MDGA2: variants seen among roughly 807,000 people sequenced by gnomAD.
MDGA2 encodes MAM domain containing glycosylphosphatidylinositol anchor 2.
In MDGA2, 40 loss-of-function variants were observed where a neutral mutation model predicts 117.8. That is an observed-to-expected ratio of 0.34 (90% CI 0.26 to 0.44). MDGA2 has a LOEUF of 0.44. Ranked by LOEUF, MDGA2 falls within the 20% of genes least tolerant of loss-of-function variation. The pLI, the probability that MDGA2 is intolerant of heterozygous loss-of-function variation, is 1.00. For synonymous variants in MDGA2, 452 were observed against 439.0 expected (o/e 1.03, Z -0.37); for missense variants, 1,123 against 1,250.6 (o/e 0.90, Z 1.54).
intron 3 of MDGA2, among the ~76,000 whole-genome samples, chr14:47,157,595 A>ATGTG (rs55697311): frequency 0.02 from 2,919 of 144,444 alleles, 56 homozygotes; most frequent in East Asian, 0.052. Flanking sequence ...ATGTACATAT[A>ATGTG]TGTGTGTGTG....
At chr14:47,611,863 A>G (rs2138906121) in intron 1 of MDGA2, among the ~76,000 whole-genome samples, 1 of 152,308 alleles carries the variant, frequency 6.6e-6, no homozygotes, top group East Asian at 1.9e-4. Flanking sequence ...ACAGTATAAC[A>G]TAACACATCA....
intron 5 of MDGA2, among the ~76,000 whole-genome samples, chr14:47,102,593 G>C (rs1880402511): frequency 6.6e-6 from 1 of 151,990 alleles, no homozygotes; most frequent in South Asian, 2.1e-4. Context: ...GCCAGTAAAG[G>C]GTCACTGATG....
At chr14:47,042,162 A>G (rs146442963) in intron 7 of MDGA2, among the ~76,000 whole-genome samples, 1 of 152,182 alleles carries the variant, frequency 6.6e-6, no homozygotes, top group African/African-American at 2.4e-5. Context: ...AATAAATAAA[A>G]CTTCAGAGAT....
Position 47,301,340 on chromosome 14 carries a change from A to G in MDGA2, c.420+71T>C, listed in dbSNP as rs997761092. 22 of 1,506,132 alleles carry G rather than the reference A, an allele frequency of 1.5e-5. No homozygotes were observed. The Admixed American group carries it at 3.2e-4, about 22-fold the overall frequency. 93.3% of individuals were successfully genotyped at this position (1,506,132 alleles called of 1,614,324 possible). ...ACACACAGTTTTAGCTAAATATTCT[A>G]AAATATACACTTTTTGACTTCTGAG... On this transcript the variant is annotated intron_variant, in intron 2 of 16. Coordinates refer to ENST00000399232, the MANE Select transcript of MDGA2 (RefSeq NM_001113498.3).
At chr14:46,931,523 TG>T (rs1269779821) in intron 9 of MDGA2, among the ~76,000 whole-genome samples, 1 of 107,862 alleles carries the variant, frequency 9.3e-6, no homozygotes, top group Admixed American at 9.6e-5. Context: ...AGTTTATTTT[TG>T]CTTTTTTTTT....
intron 2 of MDGA2, among the ~76,000 whole-genome samples, chr14:47,254,718 G>C (rs535295176): frequency 2.5e-4 from 38 of 151,962 alleles, no homozygotes; most frequent in African/African-American, 8.2e-4. Flanking sequence ...TCCAATTTTC[G>C]GGTATTCTTA....
At chr14:46,935,812 G>C (rs573294414) in intron 9 of MDGA2, among the ~76,000 whole-genome samples, 4 of 152,032 alleles carry the variant, frequency 2.6e-5, no homozygotes, top group Non-Finnish European at 5.9e-5. Flanking sequence ...TGCAGGGATC[G>C]GTATGGCAGA....
chr14:47,546,641 T>C (rs1172724033), intron 1 of MDGA2, among the ~76,000 whole-genome samples: 1 of 152,056 alleles, frequency 6.6e-6, no homozygotes. Context: ...ACATGAGAAA[T>C]GGAAAGGCTC....
intron 8 of MDGA2, among the ~76,000 whole-genome samples, chr14:46,991,929 C>T (rs1156580105): frequency 1.3e-5 from 2 of 151,972 alleles, no homozygotes; most frequent in Non-Finnish European, 2.9e-5. Context: ...GGTTGAAATA[C>T]AAAAAGAGAC....
chr14:47,286,274 T>G lies in MDGA2; in HGVS notation c.420+15137A>C, dbSNP rs190917438. Among the ~76,000 whole-genome samples, 11 of 152,152 alleles carry G rather than the reference T, an allele frequency of 7.2e-5. No homozygotes were observed. In the East Asian group the frequency reaches 2.1e-3, roughly 29 times the overall value. On this transcript the variant is annotated intron_variant, in intron 2 of 16. Coordinates refer to ENST00000399232, the MANE Select transcript of MDGA2 (RefSeq NM_001113498.3). ...GAATTGTTTTGAAATGTAGAAAAAT[T>G]TATTGTGAACAATAGTCACCCTATT... is the stretch of plus-strand genomic sequence containing the variant.
chr14:46,950,520 C>A (rs368404410), intron 9 of MDGA2, among the ~76,000 whole-genome samples: 76 of 152,028 alleles, frequency 5.0e-4, no homozygotes, highest in African/African-American at 1.7e-3. Flanking sequence ...ACAGCTGCAA[C>A]TCATAAGCTG....
chr14:47,643,328 T>C (rs1431384372), intron 1 of MDGA2, among the ~76,000 whole-genome samples: 2 of 152,108 alleles, frequency 1.3e-5, no homozygotes, highest in Non-Finnish European at 2.9e-5. Flanking sequence ...TTAGCATCTA[T>C]GGTGCTTCTT....
intron 1 of MDGA2, among the ~76,000 whole-genome samples, chr14:47,362,768 G>A: frequency 6.6e-6 from 1 of 152,014 alleles, no homozygotes; most frequent in East Asian, 1.9e-4. Flanking sequence ...ACTCAAGATG[G>A]AAGCTTTCTC....
chr14:47,543,078 G>A (rs1410423159), intron 1 of MDGA2, among the ~76,000 whole-genome samples: 1 of 152,066 alleles, frequency 6.6e-6, no homozygotes, highest in East Asian at 1.9e-4. Context: ...AGGCATGGTG[G>A]TGCACATCTG....
chr14:47,068,910 C>A (rs1413367965), intron 6 of MDGA2, among the ~76,000 whole-genome samples: 1 of 152,046 alleles, frequency 6.6e-6, no homozygotes, highest in Non-Finnish European at 1.5e-5. Flanking sequence ...GTAAGCGGTG[C>A]CCTTTCCCTT....
intron 3 of MDGA2, among the ~76,000 whole-genome samples, chr14:47,187,279 A>T (rs1884945459): frequency 1.3e-5 from 2 of 152,084 alleles, no homozygotes; most frequent in African/African-American, 4.8e-5. Context: ...AAGCATAATC[A>T]TAAGATAGGC....
At chr14:46,897,346 A>T (rs760412793) in intron 10 of MDGA2, among the ~76,000 whole-genome samples, 4 of 152,108 alleles carry the variant, frequency 2.6e-5, no homozygotes, top group Non-Finnish European at 5.9e-5. Context: ...AGATTTCTTA[A>T]CGCATTGCTT....
Position 46,938,540 on chromosome 14 carries a change from C to CAAAAAAAAAAAAAAAAAAAAAAAAAAAA in MDGA2, c.2090-18381_2090-18380insTTTTTTTTTTTTTTTTTTTTTTTTTTTT, listed in dbSNP as rs71112472. On this transcript the variant is annotated intron_variant, in intron 9 of 16. Coordinates refer to ENST00000399232, the MANE Select transcript of MDGA2 (RefSeq NM_001113498.3). ...GGGCAACAAGAACGAAAATCCATCT[C>CAAAAAAAAAAAAAAAAAAAAAAAAAAAA]AAAAAAAAAAAAAAAAAAAAGAGAC... is the stretch of plus-strand genomic sequence containing the variant. Among the ~76,000 whole-genome samples the CAAAAAAAAAAAAAAAAAAAAAAAAAAAA allele has an allele frequency of 3.9e-3, 106 of 26,972 alleles. 9 individuals are homozygous for CAAAAAAAAAAAAAAAAAAAAAAAAAAAA. Among genetic ancestry groups the CAAAAAAAAAAAAAAAAAAAAAAAAAAAA allele is most frequent in the Non-Finnish European group, 6.4e-3 (73 of 11,376 alleles). 17.7% of individuals were successfully genotyped at this position (26,972 alleles called of 152,430 possible).
chr14:46,931,670 G>A (rs1884584374), intron 9 of MDGA2, among the ~76,000 whole-genome samples: 1 of 151,708 alleles, frequency 6.6e-6, no homozygotes, highest in Non-Finnish European at 1.5e-5. Context: ...CTAGAGGCAT[G>A]AGCCACCACA....
Sources: allele counts gnomAD v4.1 joint callset (sites outside exome capture counted in the v4.1 genomes callset), GRCh38; gene constraint gnomAD v4.1.1; transcripts MANE v1.5; gene names NCBI Gene and HGNC (gene_info 2026-07-23, HGNC 2026-07-21).